COL21A1: variants seen among roughly 807,000 people sequenced by gnomAD.
COL21A1 encodes the protein collagen alpha-1(XXI) chain.
In COL21A1, 149 loss-of-function variants were observed where a neutral mutation model predicts 137.9. The observed-to-expected ratio is 1.08, with a 90% CI of 0.95 to 1.24. The LOEUF (loss-of-function observed/expected upper bound fraction) is 1.24, where lower values mean the gene tolerates loss of function less well. Among genes scored for constraint, COL21A1 ranks in the 50% most tolerant of loss-of-function variants. COL21A1 has a pLI of 0.00. For synonymous variants in COL21A1, 456 were observed against 391.5 expected (o/e 1.16, Z -1.95); for missense variants, 1,167 against 1,158.4 (o/e 1.01, Z -0.11).
At chr6:56,125,753 G>T in intron 13 of COL21A1, 133 bp from the exon 14 acceptor site, 2 of 623,202 alleles carry the variant, frequency 3.2e-6, no homozygotes, top group Non-Finnish European at 2.5e-6. Context: ...ATAATTTAAA[G>T]TTTGCTTTAA....
At chr6:56,357,969 C>A (rs2152347920) in intron 1 of COL21A1, among the ~76,000 whole-genome samples, 1 of 152,282 alleles carries the variant, frequency 6.6e-6, no homozygotes, top group Non-Finnish European at 1.5e-5. Flanking sequence ...AGAAATACCT[C>A]AATTTCTTCG....
chr6:56,110,188 T>C (rs1023106642), intron 16 of COL21A1, among the ~76,000 whole-genome samples: 1 of 149,440 alleles, frequency 6.7e-6, no homozygotes, highest in Admixed American at 6.7e-5. Context: ...CATACAAAAA[T>C]CAATGTTGTA....
chr6:56,281,683 C>T (rs1399835248), intron 1 of COL21A1, among the ~76,000 whole-genome samples: 1 of 152,192 alleles, frequency 6.6e-6, no homozygotes, highest in African/African-American at 2.4e-5. Flanking sequence ...TGAAGCATCA[C>T]TTCCATGGCC....
chr6:56,347,526 A>AG (rs201764332), intron 1 of COL21A1, among the ~76,000 whole-genome samples: 3,632 of 151,624 alleles, frequency 0.024, 153 homozygotes, highest in African/African-American at 0.083. Flanking sequence ...TTAAAAAAAA[A>AG]AAAAAAAAAA....
chr6:56,168,244 A>G lies in COL21A1; in HGVS notation c.1080T>C (p.Asp360=). The part of the protein sequence containing the change: ...HQIRLLVTEQ[D]VTLYIDDQQI... ...GTTGGTCATCAATATACAAAGTCACATCTTGTTCTGTTACTAAGAGACGAA... is the reference window on the plus strand; with the variant it reads ...GTTGGTCATCAATATACAAAGTCACGTCTTGTTCTGTTACTAAGAGACGAA... The change falls in exon 6 of 30, where the codon GAT becomes GAC. Residue 360 remains aspartate (D), a synonymous_variant. Transcript: ENST00000244728. 1.1e-5 allele frequency: 18 copies of G among 1,570,636 alleles called. No homozygotes were observed. The highest frequency in any genetic ancestry group is 2.4e-5 in the South Asian group (2 of 82,846).
chr6:56,341,258 A>G (rs1765462078), intron 1 of COL21A1, among the ~76,000 whole-genome samples: 1 of 152,264 alleles, frequency 6.6e-6, no homozygotes. Flanking sequence ...AGAAAATCCA[A>G]GAAATTTTTC....
intron 1 of COL21A1, among the ~76,000 whole-genome samples, chr6:56,197,861 C>T (rs947419384): frequency 6.6e-6 from 1 of 151,868 alleles, no homozygotes; most frequent in South Asian, 2.1e-4. Context: ...GAGATGTTTC[C>T]AAAGGAAATA....
chr6:56,226,155 C>T (rs1174534337), intron 1 of COL21A1, among the ~76,000 whole-genome samples: 1 of 151,974 alleles, frequency 6.6e-6, no homozygotes, highest in African/African-American at 2.4e-5. Context: ...ATTGTTAATT[C>T]ATTTAACATC....
chr6:56,115,382 T>C (rs1022591671), intron 16 of COL21A1, among the ~76,000 whole-genome samples: 1 of 151,936 alleles, frequency 6.6e-6, no homozygotes, highest in Admixed American at 6.6e-5. Flanking sequence ...CTCTGCCTGG[T>C]AATCCAGAGA....
chr6:56,330,619 T>G (rs963531073), intron 1 of COL21A1, among the ~76,000 whole-genome samples: 1 of 152,070 alleles, frequency 6.6e-6, no homozygotes, highest in African/African-American at 2.4e-5. Flanking sequence ...TAATAAACAT[T>G]GTACCCAATA....
intron 1 of COL21A1, among the ~76,000 whole-genome samples, chr6:56,393,500 G>A (rs556486623): frequency 6.6e-6 from 1 of 152,288 alleles, no homozygotes; most frequent in Non-Finnish European, 1.5e-5. Flanking sequence ...GATAAATGGA[G>A]TCACATTTAA....
chr6:56,330,436 C>T (rs1765191455), intron 1 of COL21A1, among the ~76,000 whole-genome samples: 1 of 151,972 alleles, frequency 6.6e-6, no homozygotes, highest in Non-Finnish European at 1.5e-5. Flanking sequence ...TTTTATTTTT[C>T]TGCTAGCAAA....
At chr6:56,295,414 G>A (rs1478139187) in intron 1 of COL21A1, among the ~76,000 whole-genome samples, 2 of 151,870 alleles carry the variant, frequency 1.3e-5, no homozygotes, top group Non-Finnish European at 2.9e-5. Context: ...CCTTCAATAT[G>A]TTTTTATTCT....
At chr6:56,222,057 G>C (rs1227159966) in intron 1 of COL21A1, among the ~76,000 whole-genome samples, 2 of 152,084 alleles carry the variant, frequency 1.3e-5, no homozygotes, top group African/African-American at 2.4e-5. Flanking sequence ...TGGATTACCT[G>C]AGGTCAGGAA....
chr6:56,307,090 T>A (rs979715329), intron 1 of COL21A1, among the ~76,000 whole-genome samples: 3 of 152,204 alleles, frequency 2.0e-5, no homozygotes, highest in South Asian at 4.1e-4. Context: ...GGAAGTTTTG[T>A]CTCAGAGAAG....
chr6:56,083,013 TA>T (rs968737468), intron 17 of COL21A1, among the ~76,000 whole-genome samples: 8 of 151,712 alleles, frequency 5.3e-5, no homozygotes, highest in Admixed American at 1.3e-4. Flanking sequence ...TTGATTAAAG[TA>T]AAAAAAATTA....
At chr6:56,303,641 C>T (rs4715610) in intron 1 of COL21A1, among the ~76,000 whole-genome samples, 151,033 of 152,272 alleles carry the variant, frequency 0.99, 74,910 homozygotes, top group Middle Eastern at 1. Context: ...GCTGAGACCA[C>T]GGGGTTTTCT....
In COL21A1 at chr6:56,184,665, T is replaced by C. The variant is rs534464103; in HGVS notation, c.-38-2009A>G. Among the ~76,000 whole-genome samples the C allele has an allele frequency of 1.8e-3, 279 of 152,250 alleles. 1 individual carries two copies. Among genetic ancestry groups the C allele is most frequent in the Non-Finnish European group, 2.9e-3 (196 of 67,998 alleles). On this transcript the variant is annotated intron_variant, in intron 1 of 29. Transcript: ENST00000244728. ...TGAAACAGTCACCAAAAAGACAATA[T>C]GCTGGAGAGAAAACAAGTCTCAGAT...
chr6:56,155,334 GT>G (rs199729446), intron 10 of COL21A1, among the ~76,000 whole-genome samples: 10,931 of 151,832 alleles, frequency 0.072, 440 homozygotes, highest in Middle Eastern at 0.12. Flanking sequence ...GCTAGTTGTG[GT>G]TTTTTTTGTT....
Sources: gnomAD v4.1 joint callset for allele counts (sites outside exome capture counted in the v4.1 genomes callset) on GRCh38, gnomAD v4.1.1 for gene constraint, MANE v1.5 for transcripts, NCBI Gene and HGNC (gene_info 2026-07-23, HGNC 2026-07-21) for gene names.